The following ADGRB3 variants were observed in gnomAD, a reference collection of about 807,000 sequenced individuals.
ADGRB3 encodes the protein brain-specific angiogenesis inhibitor 3.
ADGRB3 carries 37 observed loss-of-function variants against 193.4 expected under a neutral mutation model. That is an observed-to-expected ratio of 0.19 (90% CI 0.15 to 0.25). ADGRB3 has a LOEUF of 0.25. Ranked by LOEUF, ADGRB3 falls within the 10% of genes least tolerant of loss-of-function variation. The pLI, the probability that ADGRB3 is intolerant of heterozygous loss-of-function variation, is 1.00. For synonymous variants in ADGRB3, 690 were observed against 644.2 expected, an observed-to-expected ratio of 1.07 and a Z score of -1.08; for missense variants, 1,637 against 1,852.9, an observed-to-expected ratio of 0.88 and a Z score of 2.14.
At chr6:68,868,944 T>TGA (rs1283353553) in intron 3 of ADGRB3, among the ~76,000 whole-genome samples, 1 of 145,340 alleles carries the variant, frequency 6.9e-6, no homozygotes, top group Non-Finnish European at 1.5e-5. Context: ...TGTGTGTGAG[T>TGA]GTGTGTGTTT....
intron 13 of ADGRB3, among the ~76,000 whole-genome samples, chr6:69,028,710 T>C (rs565683110): frequency 6.6e-6 from 1 of 152,342 alleles, no homozygotes; most frequent in South Asian, 2.1e-4. Context: ...GTCAATACTC[T>C]TTCTTGTTGT....
chr6:69,279,969 G>A lies in ADGRB3; in HGVS notation c.2814+40743G>A, dbSNP rs570183942. ...AAGCCTCCTACTGCTTTCAGCTGCT[G>A]TAGTCAGTCATAGGCCTCCCACGGT... On this transcript the variant is annotated intron_variant, in intron 20 of 31. Coordinates refer to ENST00000370598, the MANE Select transcript of ADGRB3 (RefSeq NM_001704.3). Among the ~76,000 whole-genome samples the A allele has an allele frequency of 5.5e-4, 84 of 152,288 alleles. 1 individual carries two copies. The highest frequency in any genetic ancestry group is 1.0e-3 in the Non-Finnish European group (69 of 68,026).
chr6:69,348,463 A>G (rs951934876), intron 26 of ADGRB3, among the ~76,000 whole-genome samples: 1 of 145,046 alleles, frequency 6.9e-6, no homozygotes, highest in African/African-American at 2.6e-5. Context: ...CCTGGCCAAC[A>G]TGGTGAAACC....
At chr6:68,900,558 A>C (rs1275075014) in intron 3 of ADGRB3, among the ~76,000 whole-genome samples, 3 of 152,102 alleles carry the variant, frequency 2.0e-5, no homozygotes, top group Non-Finnish European at 4.4e-5. Context: ...AGATAGGATG[A>C]CCCATTCTGT....
chr6:69,244,123 G>A (rs1215632077), intron 20 of ADGRB3, among the ~76,000 whole-genome samples: 1 of 151,940 alleles, frequency 6.6e-6, no homozygotes, highest in Non-Finnish European at 1.5e-5. Flanking sequence ...GTGGAGCATT[G>A]TATTACATAA....
At chr6:68,714,995 A>T (rs1269672297) in intron 3 of ADGRB3, among the ~76,000 whole-genome samples, 1 of 151,832 alleles carries the variant, frequency 6.6e-6, no homozygotes, top group Non-Finnish European at 1.5e-5. Flanking sequence ...ACTAGCAAAG[A>T]ACACTACAGT....
At chr6:68,932,508 T>C (rs901435606) in intron 4 of ADGRB3, among the ~76,000 whole-genome samples, 23 of 152,160 alleles carry the variant, frequency 1.5e-4, no homozygotes, top group Middle Eastern at 3.4e-3. Context: ...AAATATAGTA[T>C]AGACAAACAT....
intron 17 of ADGRB3, among the ~76,000 whole-genome samples, chr6:69,162,223 C>T (rs754749055): frequency 1.2e-4 from 18 of 151,952 alleles, no homozygotes; most frequent in East Asian, 1.9e-4. Context: ...TCTTGCATAA[C>T]GACTTTTATC....
At chr6:68,948,638 T>C (rs1361091173) in intron 6 of ADGRB3, among the ~76,000 whole-genome samples, 2 of 152,098 alleles carry the variant, frequency 1.3e-5, no homozygotes, top group East Asian at 1.9e-4. Flanking sequence ...CCCTAGTCAG[T>C]AGTTGAATAT....
At position 68,723,303 on chromosome 6, in the gene ADGRB3, G is replaced by C. The variant is rs201244342; in HGVS notation, c.757+83871G>C. ...AGGTCAGGTGGTTCTTCTTTAACTGGTATCTTCTATCTTCAGCTGTTAATG... is the reference window on the plus strand; with the variant it reads ...AGGTCAGGTGGTTCTTCTTTAACTGCTATCTTCTATCTTCAGCTGTTAATG... On this transcript the variant is annotated intron_variant, in intron 3 of 31. Coordinates refer to ENST00000370598, the MANE Select transcript of ADGRB3 (RefSeq NM_001704.3). Among the ~76,000 whole-genome samples, 8 of 151,684 alleles carry C rather than the reference G, an allele frequency of 5.3e-5. No individual in the cohort carries two copies. In the East Asian group the frequency reaches 1.6e-3, roughly 30 times the overall value.
intron 11 of ADGRB3, among the ~76,000 whole-genome samples, chr6:69,001,080 G>T (rs1026550153): frequency 1.3e-5 from 2 of 152,166 alleles, no homozygotes; most frequent in African/African-American, 4.8e-5. Context: ...ATACTGGAGT[G>T]ATATAAGTAT....
At chr6:68,970,976 G>C (rs74704584) in intron 8 of ADGRB3, among the ~76,000 whole-genome samples, 12,698 of 152,270 alleles carry the variant, frequency 0.083, 669 homozygotes, top group Non-Finnish European at 0.12. Context: ...CAGCATTGTG[G>C]AGAATAATAC....
intron 3 of ADGRB3, among the ~76,000 whole-genome samples, chr6:68,826,928 T>A (rs189783358): frequency 6.8e-4 from 104 of 152,242 alleles, no homozygotes; most frequent in African/African-American, 2.4e-3. Flanking sequence ...GAGATGTCAG[T>A]TTGGAGATGC....
At chr6:68,771,087 A>G (rs1309153286) in intron 3 of ADGRB3, among the ~76,000 whole-genome samples, 1 of 152,114 alleles carries the variant, frequency 6.6e-6, no homozygotes, top group Non-Finnish European at 1.5e-5. Context: ...CCGAAATCAA[A>G]TGATGAGTGC....
At chr6:69,353,603 G>A (rs72915025) in intron 26 of ADGRB3, among the ~76,000 whole-genome samples, 2,205 of 152,272 alleles carry the variant, frequency 0.014, 27 homozygotes, top group Admixed American at 0.034. Flanking sequence ...CACATATTAC[G>A]TACAACAGTG....
At chr6:68,677,527 T>TTC (rs1769125835) in intron 3 of ADGRB3, among the ~76,000 whole-genome samples, 2 of 145,778 alleles carry the variant, frequency 1.4e-5, no homozygotes, top group Admixed American at 1.4e-4. Context: ...TTTTCTTTTT[T>TTC]TTTTTTTTTT....
chr6:68,973,676 G>A (rs915234644), intron 8 of ADGRB3, among the ~76,000 whole-genome samples: 1 of 152,008 alleles, frequency 6.6e-6, no homozygotes, highest in Non-Finnish European at 1.5e-5. Context: ...AACTTCATGT[G>A]GCAAACACAC....
At chr6:68,667,880 G>A (rs1768841440) in intron 3 of ADGRB3, among the ~76,000 whole-genome samples, 1 of 151,428 alleles carries the variant, frequency 6.6e-6, no homozygotes, top group South Asian at 2.1e-4. Flanking sequence ...CAGGAGAGAG[G>A]CCCCACATTT....
intron 11 of ADGRB3, among the ~76,000 whole-genome samples, chr6:68,997,435 G>C (rs558874627): frequency 2.8e-5 from 4 of 142,534 alleles, no homozygotes; most frequent in African/African-American, 1.1e-4. Flanking sequence ...TTGAGGTCAG[G>C]AGTTTGAGAC....
Sources: gnomAD v4.1 joint callset for allele counts (sites outside exome capture counted in the v4.1 genomes callset) on GRCh38, gnomAD v4.1.1 for gene constraint, MANE v1.5 for transcripts, NCBI Gene and HGNC (gene_info 2026-07-23, HGNC 2026-07-21) for gene names.